The following TERF2 variants were observed in gnomAD, a reference collection of about 807,000 sequenced individuals.
The protein encoded by TERF2 is telomeric repeat-binding factor 2.
TERF2 carries 16 observed loss-of-function variants against 56.1 expected under a neutral mutation model. The ratio of observed to expected loss-of-function variants is 0.29; its 90% confidence interval spans 0.19 to 0.43. The LOEUF (loss-of-function observed/expected upper bound fraction) is 0.43. TERF2 is among the 20% of genes least tolerant of loss of function. The pLI, the probability that TERF2 is intolerant of heterozygous loss-of-function variation, is 1.00. For synonymous variants in TERF2, 296 were observed against 282.1 expected, an observed-to-expected ratio of 1.05 and a Z score of -0.50; for missense variants, 547 against 712.9, an observed-to-expected ratio of 0.77 and a Z score of 2.65.
chr16:69,370,306 C>G, intron 5 of TERF2, 177 bp downstream of exon 5: 1 of 839,104 alleles, frequency 1.2e-6, no homozygotes, highest in Non-Finnish European at 1.8e-6. Context: ...GCTGGGATTA[C>G]AGGCGTGAGC....
At chr16:69,379,108 C>G (rs1187050241) in intron 3 of TERF2, among the ~76,000 whole-genome samples, 1 of 152,076 alleles carries the variant, frequency 6.6e-6, no homozygotes, top group Non-Finnish European at 1.5e-5. Context: ...ATTCCAAGCA[C>G]AGATTTTCAA....
At chr16:69,367,867 C>A (rs183980169) in intron 6 of TERF2, among the ~76,000 whole-genome samples, 1 of 152,304 alleles carries the variant, frequency 6.6e-6, no homozygotes, top group Admixed American at 6.5e-5. Flanking sequence ...GCACCTGAAG[C>A]CTGAGCATCC....
rs577682291 is a variant in TERF2 at position 69,374,484 on chromosome 16, T to G, written c.607-2129A>C. On this transcript the variant is annotated intron_variant, in intron 3 of 9. Transcript: ENST00000254942. ...ATCTCTACAAAAAAGTAGCCAGGCATGGTGGCGTGTGCCTGTGGTCCTAGC... is the reference window on the plus strand; with the variant it reads ...ATCTCTACAAAAAAGTAGCCAGGCAGGGTGGCGTGTGCCTGTGGTCCTAGC... Among the ~76,000 whole-genome samples, 155 of 151,376 alleles carry G rather than the reference T, an allele frequency of 1.0e-3. 1 individual carries two copies. The Middle Eastern group carries it at 0.01, about 10-fold the overall frequency.
At chr16:69,375,029 C>A (rs1426224114) in intron 3 of TERF2, among the ~76,000 whole-genome samples, 1 of 152,130 alleles carries the variant, frequency 6.6e-6, no homozygotes, top group African/African-American at 2.4e-5. Context: ...TAGCCTTGAG[C>A]TTGGCTCCTT....
intron 8 of TERF2, among the ~76,000 whole-genome samples, chr16:69,358,748 G>A (rs112809194): frequency 3.9e-5 from 6 of 152,236 alleles, no homozygotes; most frequent in Admixed American, 1.3e-4. Context: ...AACTTTTAAA[G>A]GACTAGAGTC....
intron 7 of TERF2, 77 bp from the exon 8 acceptor site, chr16:69,361,566 T>A: frequency 1.9e-6 from 2 of 1,050,674 alleles, no homozygotes; most frequent in South Asian, 1.3e-5. Context: ...CTTGGCTCAC[T>A]CTTGGCCCTG....
Position 69,356,253 on chromosome 16 carries a change from A to G in TERF2, c.*645T>C. 2.2e-6 allele frequency: 1 copy of G among 449,346 alleles called. No individual in the cohort carries two copies. Among genetic ancestry groups the G allele is most frequent in the Non-Finnish European group, 4.4e-6 (1 of 224,934 alleles). The allele number at this position is 449,346 out of a possible 1,614,324, so 27.8% of individuals were successfully genotyped here. A position where few individuals can be genotyped will look rare whatever the true frequency, so the allele number is the denominator to read the frequency against. On this transcript the variant is annotated 3_prime_UTR_variant, in exon 10 of 10. Transcript: ENST00000254942. ...CATGGAGTCACAAGTGGCTCCTAAT[A>G]GACTTCACCATTTCCTAGGAGAAGG...
rs1014186810 is a variant in TERF2 at position 69,378,959 on chromosome 16, G to A, written c.606+5621C>T. ...ATGTATTAATTTCCTGTGGGGGGGG[G>A]GAAATTAAAAAGATGAATCACTGCT... On this transcript the variant is annotated intron_variant, in intron 3 of 9. Coordinates refer to ENST00000254942, the MANE Select transcript of TERF2 (RefSeq NM_005652.5). Among the ~76,000 whole-genome samples the A allele has an allele frequency of 3.4e-5, 5 of 148,460 alleles. No individual in the cohort carries two copies. The East Asian group carries it at 1.0e-3, about 30-fold the overall frequency.
intron 4 of TERF2, among the ~76,000 whole-genome samples, chr16:69,372,063 T>C (rs1037500392): frequency 1.3e-5 from 2 of 152,248 alleles, no homozygotes; most frequent in South Asian, 2.1e-4. Context: ...GAATAATTTA[T>C]GTCAATTTCT....
rs1328336236 is a variant in TERF2, at chr16:69,356,278, G to T, written c.*620C>A. 4 of 431,896 alleles carry T rather than the reference G, an allele frequency of 9.3e-6. No individual in the cohort carries two copies. Among genetic ancestry groups the T allele is most frequent in the South Asian group, 6.6e-5 (4 of 60,320 alleles). 26.8% of individuals were successfully genotyped at this position (431,896 alleles called of 1,614,324 possible). On this transcript the variant is annotated 3_prime_UTR_variant, in exon 10 of 10. Transcript: ENST00000254942. ...AGACTTCACCATTTCCTAGGAGAAG[G>T]TTCTACAGATTACCAGGGATTTAAA...
intron 7 of TERF2, chr16:69,365,347 G>C (rs914371696): frequency 1.4e-4 from 21 of 152,242 alleles, no homozygotes; most frequent in African/African-American, 5.1e-4. Flanking sequence ...ATCTGTGCCT[G>C]AGGATAAATC....
chr16:69,378,244 T>C (rs556171605), intron 3 of TERF2, among the ~76,000 whole-genome samples: 2 of 152,336 alleles, frequency 1.3e-5, no homozygotes, highest in South Asian at 4.1e-4. Context: ...TTCCCCACTC[T>C]GTCACACACT....
rs768901373 is a variant in TERF2 at position 69,385,496 on chromosome 16, A to C, written c.380-10T>G. On this transcript the variant is annotated splice_polypyrimidine_tract_variant and intron_variant, in intron 1 of 9. Coordinates refer to ENST00000254942, the MANE Select transcript of TERF2 (RefSeq NM_005652.5). ...GGCCTGACAAGCAAAGCTGGGAGAG[A>C]AGACATCGTTGGCTGGGCGACCCCC... 5.0e-6 allele frequency: 8 copies of C among 1,613,724 alleles called. No individual in the cohort carries two copies. The African/African-American group carries it at 1.1e-4, about 22-fold the overall frequency.
At chr16:69,381,530 G>A (rs183800452) in intron 3 of TERF2, among the ~76,000 whole-genome samples, 325 of 150,150 alleles carry the variant, frequency 2.2e-3, no homozygotes, top group Non-Finnish European at 3.7e-3. Context: ...GTCCAGGCTC[G>A]AGTACAGAGG....
At chr16:69,362,527 T>C (rs140568491) in intron 7 of TERF2, among the ~76,000 whole-genome samples, 366 of 152,234 alleles carry the variant, frequency 2.4e-3, no homozygotes, top group African/African-American at 7.2e-3. Context: ...AACATTGTGA[T>C]TGTCAGAGAG....
intron 3 of TERF2, among the ~76,000 whole-genome samples, chr16:69,384,132 C>G (rs546689477): frequency 6.6e-6 from 1 of 152,160 alleles, no homozygotes; most frequent in Non-Finnish European, 1.5e-5. Flanking sequence ...ACCTCTGATT[C>G]TAATCTATCT....
In TERF2 at chr16:69,368,402, C is replaced by T. The variant is rs33916934; in HGVS notation, c.921G>A (p.Val307=). The stretch of plus-strand genomic sequence containing the variant: ...TTGCGGGTTCTCTGGGTGGCTTTTC[C>T]ACAGGCCCTGGTGCTGGCTGTTTAT... ...KEDKQPAPGP[V]EKPPREPARQ... The change falls in exon 6 of 10, where the codon GTG becomes GTA. Residue 307 remains valine (V), a synonymous_variant. Transcript: ENST00000254942. 4,827 of 1,614,020 alleles carry T rather than the reference C, an allele frequency of 3.0e-3. 131 individuals are homozygous for T. The African/African-American group carries it at 0.057, about 19-fold the overall frequency.
rs756621981 is a variant in TERF2 at position 69,366,992 on chromosome 16, G to A, written c.1155C>T (p.Asp385=). 46 of 1,614,080 alleles carry A rather than the reference G, an allele frequency of 2.8e-5. No homozygotes were observed. Among genetic ancestry groups the A allele is most frequent in the Admixed American group, 5.0e-5 (3 of 60,004 alleles). Residue 385 remains aspartate, a synonymous_variant, in exon 7 of 10, where the codon GAC becomes GAT. Coordinates refer to ENST00000254942, the MANE Select transcript of TERF2 (RefSeq NM_005652.5). ...GCTGCAGTTCCGAGCCACCCTCACC[G>A]TCAGCCGGGGCTGAACTTTCGTTTT... ...KDENESSAPA[D]GEGGSELQPK...
At chr16:69,380,802 ATTTT>A (rs1159431847) in intron 3 of TERF2, among the ~76,000 whole-genome samples, 1 of 140,746 alleles carries the variant, frequency 7.1e-6, no homozygotes, top group Non-Finnish European at 1.6e-5. Flanking sequence ...ACATTCATTA[ATTTT>A]TTTTTTTTTT....
Sources: allele counts gnomAD v4.1 joint callset (sites outside exome capture counted in the v4.1 genomes callset), GRCh38; gene constraint gnomAD v4.1.1; transcripts MANE v1.5; gene names NCBI Gene and HGNC (gene_info 2026-07-23, HGNC 2026-07-21).